The following PTPRG variants were observed in gnomAD, a reference collection of about 807,000 sequenced individuals.
PTPRG encodes protein tyrosine phosphatase receptor type G.
PTPRG carries 102 observed loss-of-function variants against 165.3 expected under a neutral mutation model. The observed-to-expected ratio is 0.62, with a 90% confidence interval of 0.53 to 0.73. The LOEUF is 0.73. Ranked by LOEUF, PTPRG falls within the 30% of genes least tolerant of loss-of-function variation. The pLI is 0.00. For synonymous variants in PTPRG, 675 were observed against 669.5 expected (o/e 1.01, Z -0.13); for missense variants, 1,866 against 1,861.4 (o/e 1.00, Z -0.05).
intron 2 of PTPRG, among the ~76,000 whole-genome samples, chr3:61,871,655 G>A (rs1270927904): frequency 6.6e-6 from 1 of 152,142 alleles, no homozygotes; most frequent in Non-Finnish European, 1.5e-5. Context: ...AAGTTTTGTT[G>A]ATGTGAAGAT....
At chr3:61,855,651 C>CT (rs35525843) in intron 2 of PTPRG, among the ~76,000 whole-genome samples, 20,491 of 120,264 alleles carry the variant, frequency 0.17, 1,958 homozygotes, top group African/African-American at 0.26. Flanking sequence ...AAGGGTAGGC[C>CT]TTTTTTTTTT....
chr3:62,286,466 TATATG>T (rs1265748406), intron 28 of PTPRG, among the ~76,000 whole-genome samples: 2 of 152,014 alleles, frequency 1.3e-5, no homozygotes, highest in African/African-American at 4.8e-5. Flanking sequence ...AATAAGTAAA[TATATG>T]AAATAGTGAA....
intron 2 of PTPRG, among the ~76,000 whole-genome samples, chr3:61,762,542 TGGA>T (rs1183428042): frequency 6.6e-6 from 1 of 151,810 alleles, no homozygotes; most frequent in African/African-American, 2.4e-5. Context: ...ACCCAGGAGG[TGGA>T]GGTTGAAGTG....
In PTPRG at chr3:62,208,015, C is replaced by T. The variant is rs375389667; in HGVS notation, c.2155+4065C>T. 3.9e-5 allele frequency among the ~76,000 whole-genome samples: 6 copies of T among 152,286 alleles called. No homozygotes were observed. The East Asian group carries it at 5.8e-4, about 15-fold the overall frequency. On this transcript the variant is annotated intron_variant, in intron 12 of 29. Coordinates refer to ENST00000474889, the MANE Select transcript of PTPRG (RefSeq NM_002841.4). ...GAACCCCCCAACTTTTAAGTAAGCTCAAATTTTTAAAACAATTTCTGCTTT... is the reference window on the plus strand; with the variant it reads ...GAACCCCCCAACTTTTAAGTAAGCTTAAATTTTTAAAACAATTTCTGCTTT...
At position 62,078,050 on chromosome 3, in the gene PTPRG, A is replaced by T. The variant is rs17031691; in HGVS notation, c.520-113A>T. ...AGGAAAAATATGAACAGGTGAATAA[A>T]TTTGGCAAAATCTTATTAGCAACTG... On this transcript the variant is annotated intron_variant, in intron 4 of 29. Transcript: ENST00000474889. 9.7e-3 allele frequency: 6,972 copies of T among 717,236 alleles called. 391 individuals carry two copies. The African/African-American group carries it at 0.12, about 12-fold the overall frequency. 44.4% of individuals were successfully genotyped at this position (717,236 alleles called of 1,614,324 possible).
At chr3:61,928,497 A>G (rs1227454695) in intron 2 of PTPRG, among the ~76,000 whole-genome samples, 2 of 152,218 alleles carry the variant, frequency 1.3e-5, no homozygotes, top group African/African-American at 4.8e-5. Context: ...AGCAATTGTC[A>G]GACTGCATGA....
chr3:62,069,548 A>G (rs1216072619), intron 4 of PTPRG, among the ~76,000 whole-genome samples: 1 of 152,144 alleles, frequency 6.6e-6, no homozygotes, highest in Non-Finnish European at 1.5e-5. Flanking sequence ...ACAGACAGAC[A>G]TACCTGTGTA....
At chr3:62,057,938 A>T (rs1700685345) in intron 4 of PTPRG, among the ~76,000 whole-genome samples, 1 of 152,242 alleles carries the variant, frequency 6.6e-6, no homozygotes, top group Non-Finnish European at 1.5e-5. Flanking sequence ...TTTTGCTAGC[A>T]TGTTAAAAAT....
At chr3:61,885,639 A>G (rs1328378897) in intron 2 of PTPRG, among the ~76,000 whole-genome samples, 6 of 106,728 alleles carry the variant, frequency 5.6e-5, no homozygotes, top group Non-Finnish European at 1.1e-4. Flanking sequence ...GAGCATTTAT[A>G]GACTCACTCT....
chr3:62,116,588 A>T (rs2106875504), intron 5 of PTPRG, among the ~76,000 whole-genome samples: 1 of 152,312 alleles, frequency 6.6e-6, no homozygotes, highest in African/African-American at 2.4e-5. Flanking sequence ...TGTTTCCATT[A>T]ATGCCTATGG....
chr3:62,266,468 G>C (rs1701878337), intron 17 of PTPRG, among the ~76,000 whole-genome samples: 1 of 152,000 alleles, frequency 6.6e-6, no homozygotes, highest in Admixed American at 6.6e-5. Flanking sequence ...ATAACGGTTT[G>C]GATCCAGATG....
intron 2 of PTPRG, among the ~76,000 whole-genome samples, chr3:61,893,414 T>C (rs1227842839): frequency 1.3e-5 from 2 of 152,202 alleles, no homozygotes; most frequent in Non-Finnish European, 2.9e-5. Flanking sequence ...TGTCAATATC[T>C]CTTTTTAGCA....
chr3:62,051,038 G>T (rs1700453418), intron 4 of PTPRG, among the ~76,000 whole-genome samples: 1 of 152,168 alleles, frequency 6.6e-6, no homozygotes, highest in Non-Finnish European at 1.5e-5. Flanking sequence ...TCAGAAGTTG[G>T]TTACTAAGTG....
chr3:62,064,831 C>T (rs1249633487), intron 4 of PTPRG, among the ~76,000 whole-genome samples: 2 of 140,722 alleles, frequency 1.4e-5, no homozygotes, highest in East Asian at 4.3e-4. Context: ...CTCCCTGGTT[C>T]AAGTGATTCT....
chr3:61,838,607 A>C (rs1046009470), intron 2 of PTPRG, among the ~76,000 whole-genome samples: 2 of 152,204 alleles, frequency 1.3e-5, no homozygotes, highest in African/African-American at 2.4e-5. Context: ...GTGATGGTAT[A>C]AATCTGCTTG....
chr3:62,100,440 C>T (rs755016132), intron 5 of PTPRG, among the ~76,000 whole-genome samples: 1 of 152,118 alleles, frequency 6.6e-6, no homozygotes, highest in African/African-American at 2.4e-5. Flanking sequence ...TGAAAACCCA[C>T]CCCTACGCTG....
chr3:62,044,274 C>T (rs1306447769), intron 4 of PTPRG, among the ~76,000 whole-genome samples: 2 of 152,228 alleles, frequency 1.3e-5, no homozygotes, highest in Admixed American at 6.5e-5. Context: ...TGTGGTGGCT[C>T]ACGCCTGTAA....
intron 2 of PTPRG, among the ~76,000 whole-genome samples, chr3:61,877,342 A>G (rs2037769696): frequency 6.6e-6 from 1 of 152,182 alleles, no homozygotes; most frequent in Non-Finnish European, 1.5e-5. Flanking sequence ...ATGTTTGAGA[A>G]TGCTGGCCTG....
intron 4 of PTPRG, among the ~76,000 whole-genome samples, chr3:62,046,055 C>T (rs529706381): frequency 7.9e-5 from 12 of 152,168 alleles, no homozygotes; most frequent in Non-Finnish European, 1.2e-4. Context: ...GCACAAAGCA[C>T]CATTCCCCTC....
Sources: allele counts gnomAD v4.1 joint callset (sites outside exome capture counted in the v4.1 genomes callset), GRCh38; gene constraint gnomAD v4.1.1; transcripts MANE v1.5; gene names NCBI Gene and HGNC (gene_info 2026-07-23, HGNC 2026-07-21).